Variants in KCNU1 observed in about 807,000 individuals in gnomAD.
KCNU1 encodes potassium calcium-activated channel subfamily U member 1, also known as potassium channel subfamily U member 1.
Under a neutral mutation model 126.8 loss-of-function variants are expected in KCNU1, and 93 were observed. The observed-to-expected ratio is 0.73, with a 90% CI of 0.62 to 0.87. The LOEUF is 0.87. Among genes scored for constraint, KCNU1 ranks in the 40% least tolerant of loss-of-function variants. The probability of loss-of-function intolerance (pLI) is 0.00; values close to 1 mark genes in which losing one functional copy is unlikely to be tolerated. For missense variants in KCNU1, 1,330 were observed against 1,367.1 expected (o/e 0.97, Z 0.43); for synonymous variants, 523 against 494.2 (o/e 1.06, Z -0.77).
At chr8:36,926,452 C>G (rs974313925) in intron 24 of KCNU1, among the ~76,000 whole-genome samples, 1 of 151,774 alleles carries the variant, frequency 6.6e-6, no homozygotes, top group Non-Finnish European at 1.5e-5. Flanking sequence ...CAGAGCAATT[C>G]CACTTTCATC....
intron 18 of KCNU1, among the ~76,000 whole-genome samples, chr8:36,847,310 C>T (rs1000028298): frequency 6.6e-6 from 1 of 151,978 alleles, no homozygotes; most frequent in Non-Finnish European, 1.5e-5. Context: ...ATGATCAAAT[C>T]GGGGTAATTA....
At chr8:36,912,704 G>T (rs1807926874) in intron 22 of KCNU1, among the ~76,000 whole-genome samples, 1 of 152,046 alleles carries the variant, frequency 6.6e-6, no homozygotes, top group Non-Finnish European at 1.5e-5. Context: ...GGGCGCGGTG[G>T]CTCACGCCTG....
At chr8:36,905,560 C>G in intron 19 of KCNU1, 148 bp from the exon 20 acceptor site, 1 of 615,828 alleles carries the variant, frequency 1.6e-6, no homozygotes, top group South Asian at 1.9e-5. Flanking sequence ...AGACCTAAGC[C>G]TTTATTCTAG....
intron 6 of KCNU1, 75 bp downstream of exon 6, chr8:36,807,525 A>T (rs754542539): frequency 2.6e-5 from 27 of 1,024,566 alleles, no homozygotes; most frequent in Non-Finnish European, 4.0e-5. Flanking sequence ...TGGACCCTAA[A>T]CTCAATGCAT....
intron 25 of KCNU1, among the ~76,000 whole-genome samples, chr8:36,932,332 C>G (rs1334502663): frequency 6.6e-6 from 1 of 152,138 alleles, no homozygotes; most frequent in African/African-American, 2.4e-5. Flanking sequence ...TCTCCCTCCT[C>G]TCTCCATTTA....
intron 10 of KCNU1, among the ~76,000 whole-genome samples, chr8:36,822,146 G>A (rs1804152005): frequency 6.6e-6 from 1 of 152,034 alleles, no homozygotes; most frequent in Non-Finnish European, 1.5e-5. Context: ...TGCCGGTTAT[G>A]CCAGCCCTTA....
chr8:36,818,719 C>T (rs1014363697), intron 10 of KCNU1, among the ~76,000 whole-genome samples: 7 of 152,162 alleles, frequency 4.6e-5, no homozygotes, highest in African/African-American at 1.2e-4. Flanking sequence ...TATGTAGCAT[C>T]GCCTCCATCT....
chr8:36,867,863 A>G (rs1805966698), intron 19 of KCNU1, among the ~76,000 whole-genome samples: 2 of 152,308 alleles, frequency 1.3e-5, no homozygotes, highest in African/African-American at 4.8e-5. Context: ...AACCTGGTTC[A>G]TCTGTAGACC....
intron 18 of KCNU1, among the ~76,000 whole-genome samples, chr8:36,855,684 T>A (rs181947720): frequency 2.3e-4 from 35 of 152,232 alleles, no homozygotes; most frequent in African/African-American, 7.5e-4. Context: ...GAAAAAAAAA[T>A]AATTCTCACA....
At chr8:36,878,553 A>G (rs1443355693) in intron 19 of KCNU1, among the ~76,000 whole-genome samples, 1 of 152,186 alleles carries the variant, frequency 6.6e-6, no homozygotes, top group African/African-American at 2.4e-5. Context: ...ACTCAGCTCA[A>G]GTCAGCTTTC....
At chr8:36,890,483 T>G (rs1806916619) in intron 19 of KCNU1, among the ~76,000 whole-genome samples, 1 of 151,874 alleles carries the variant, frequency 6.6e-6, no homozygotes, top group Non-Finnish European at 1.5e-5. Flanking sequence ...AAATTTGAGG[T>G]CAACTCCTAA....
intron 10 of KCNU1, among the ~76,000 whole-genome samples, chr8:36,818,397 T>A (rs1803998739): frequency 6.6e-6 from 1 of 152,224 alleles, no homozygotes; most frequent in Non-Finnish European, 1.5e-5. Flanking sequence ...GTGGATTACC[T>A]GTTGCTTTAT....
chr8:36,918,912 G>A lies in KCNU1; in HGVS notation c.2596+15G>A, dbSNP rs573007696. ...TACTGAACTGAGTAAGTGGTGTTTC[G>A]AGGGGAAAATTCAATGGAGAAATTT... is the stretch of plus-strand genomic sequence containing the variant. On this transcript the variant is annotated intron_variant, in intron 23 of 26. Coordinates refer to ENST00000399881, the MANE Select transcript of KCNU1 (RefSeq NM_001031836.3). The A allele has an allele frequency of 1.3e-5, 20 of 1,538,804 alleles. No homozygotes were observed. Among genetic ancestry groups the A allele is most frequent in the South Asian group, 2.3e-5 (2 of 87,782 alleles).
Position 36,833,676 on chromosome 8 carries a change from T to G in KCNU1, c.1212+17T>G. 6.7e-7 allele frequency: 1 copy of G among 1,489,070 alleles called. No homozygotes were observed. The highest frequency in any genetic ancestry group is 9.4e-7 in the Non-Finnish European group (1 of 1,067,498). The allele number at this position is 1,489,070 out of a possible 1,614,324, so 92.2% of individuals were successfully genotyped here. On this transcript the variant is annotated intron_variant, in intron 11 of 26. Transcript: ENST00000399881. ...CGAGTTGCGGTAAGATCTAGCTGTT[T>G]TTGTTCCTTGTAGTTTTCCTTAGTT...
At chr8:36,793,163 T>C (rs933578634) in intron 2 of KCNU1, among the ~76,000 whole-genome samples, 78 of 133,396 alleles carry the variant, frequency 5.8e-4, no homozygotes, top group Middle Eastern at 5.0e-3. Flanking sequence ...ATAAGAACAC[T>C]TGGACACAGG....
chr8:36,861,168 A>G (rs752430668), intron 18 of KCNU1, among the ~76,000 whole-genome samples: 4 of 152,236 alleles, frequency 2.6e-5, no homozygotes. Flanking sequence ...CTAAGAGTTC[A>G]GGACCACATG....
rs570943412 is a variant in KCNU1 at position 36,909,762 on chromosome 8, T to C, written c.2331+227T>C. Among the ~76,000 whole-genome samples the C allele has an allele frequency of 2.0e-5, 3 of 152,322 alleles. No homozygotes were observed. The East Asian group carries it at 5.8e-4, about 29-fold the overall frequency. On this transcript the variant is annotated intron_variant, in intron 21 of 26. Transcript: ENST00000399881. ...AGAGTAAGTAACTTGACCAAGATTGTACAGCCAGTAAGTAACTAACAAAAT... is the reference window on the plus strand; with the variant it reads ...AGAGTAAGTAACTTGACCAAGATTGCACAGCCAGTAAGTAACTAACAAAAT...
intron 24 of KCNU1, among the ~76,000 whole-genome samples, chr8:36,929,387 C>CAAAAAAAAAAAAAAAAAAAAGAAAAAAAA (rs1808630437): frequency 1.0e-5 from 1 of 99,306 alleles, no homozygotes; most frequent in Non-Finnish European, 2.0e-5. Context: ...GACCCTGTCT[C>CAAAAAAAAAAAAAAAAAAAAGAAAAAAAA]AAAAAAAAAA....
Position 36,882,375 on chromosome 8 carries a change from A to C in KCNU1, c.2009+17854A>C, listed in dbSNP as rs532214666. Among the ~76,000 whole-genome samples, 9 of 152,296 alleles carry C rather than the reference A, an allele frequency of 5.9e-5. No homozygotes were observed. The East Asian group carries it at 1.7e-3, about 29-fold the overall frequency. On this transcript the variant is annotated intron_variant, in intron 19 of 26. Transcript: ENST00000399881. Reference sequence around the variant, plus strand: ...CCTTAACCCAGAGACAGAGTGTGTAAAAGGGTGAATTTCAGATAGTTGAGT... The same window carrying C: ...CCTTAACCCAGAGACAGAGTGTGTACAAGGGTGAATTTCAGATAGTTGAGT...
Sources: allele counts gnomAD v4.1 joint callset (sites outside exome capture counted in the v4.1 genomes callset), GRCh38; gene constraint gnomAD v4.1.1; transcripts MANE v1.5; gene names NCBI Gene and HGNC (gene_info 2026-07-23, HGNC 2026-07-21).